Variants in RAD51AP2 observed in about 807,000 individuals in gnomAD.
The protein encoded by RAD51AP2 is RAD51-associated protein 2.
In RAD51AP2, 67 loss-of-function variants were observed where a neutral mutation model predicts 85.5. That is an observed-to-expected ratio of 0.78 (90% CI 0.64 to 0.96). RAD51AP2 has a LOEUF of 0.96. Among genes scored for constraint, RAD51AP2 ranks in the 40% least tolerant of loss-of-function variants. The pLI, the probability that RAD51AP2 is intolerant of heterozygous loss-of-function variation, is 0.00. For missense variants in RAD51AP2, 1,307 were observed against 1,332.4 expected, an observed-to-expected ratio of 0.98 and a Z score of 0.30; for synonymous variants, 474 against 446.5, an observed-to-expected ratio of 1.06 and a Z score of -0.78.
chr2:17,526,238 G>A, the RAD51AP2 span, among the ~76,000 whole-genome samples: 3 of 151,386 alleles, frequency 2.0e-5, no homozygotes, highest in South Asian at 2.1e-4. Flanking sequence ...AATCTCTGTC[G>A]GGTGCAAACA....
At position 17,516,606 on chromosome 2, in the gene RAD51AP2, C is replaced by G. The variant is rs777808289; in HGVS notation, c.1810G>C (p.Glu604Gln). ...LTRIENDFEL[E>Q]EECIFKCMLY... ...ATGCACTTGAAAATGCATTCCTCTT[C>G]TAATTCAAAATCATTTTCAATTCTT... Residue 604 changes from glutamate (E) to glutamine (Q), a missense_variant, in exon 1 of 3, where the codon GAA becomes CAA. By Grantham distance (29) the Glu-to-Gln change is conservative. Around this residue, in one of 3 missense-constraint regions of RAD51AP2, gnomAD observed 668 missense variants for 671.0 expected, o/e 1.00. Coordinates refer to ENST00000399080, the MANE Select transcript of RAD51AP2 (RefSeq NM_001099218.3). 7.6e-6 allele frequency: 12 copies of G among 1,576,926 alleles called. No homozygotes were observed. The Admixed American group carries it at 2.1e-4, about 28-fold the overall frequency.
upstream of RAD51AP2, among the ~76,000 whole-genome samples, chr2:17,521,132 G>T (rs988746826): frequency 1.3e-5 from 2 of 152,050 alleles, no homozygotes; most frequent in South Asian, 4.1e-4. Context: ...TTAATTAGAA[G>T]AAATGAAATG....
chr2:17,515,490 G>A lies in RAD51AP2; in HGVS notation c.2926C>T (p.Arg976Cys), dbSNP rs1319071395. 16 of 1,613,006 alleles carry A rather than the reference G, an allele frequency of 9.9e-6. No homozygotes were observed. Among genetic ancestry groups the A allele is most frequent in the Admixed American group, 1.7e-5 (1 of 59,926 alleles). Residue 976 changes from arginine (R) to cysteine (C), a missense_variant, in exon 1 of 3, where the codon CGT becomes TGT. By Grantham distance (180) the Arg-to-Cys change is radical (BLOSUM62 -3). This residue lies in a region of RAD51AP2 where 668 missense variants were observed against 671.0 expected (regional missense o/e 1.00). Transcript: ENST00000399080. Reference sequence around the variant, plus strand: ...TCCCTACTAATTTCATGAAACATACGAAGTTCTTCAAGTACTAAGTCAAAT... The same window carrying A: ...TCCCTACTAATTTCATGAAACATACAAAGTTCTTCAAGTACTAAGTCAAAT... ...RKFDLVLEEL[R>C]MFHEISRENE...
At chr2:17,528,883 T>G in the RAD51AP2 span, among the ~76,000 whole-genome samples, 4,299 of 152,224 alleles carry the variant, frequency 0.028, 60 homozygotes, top group Middle Eastern at 0.054. Context: ...AAACTTCATT[T>G]GTCAGTAGCA....
upstream of RAD51AP2, among the ~76,000 whole-genome samples, chr2:17,519,974 T>C (rs990827345): frequency 6.6e-6 from 1 of 152,212 alleles, no homozygotes; most frequent in African/African-American, 2.4e-5. Context: ...CTAGTCTAGA[T>C]TGATCTGTAA....
the RAD51AP2 span, among the ~76,000 whole-genome samples, chr2:17,527,720 G>C: frequency 6.6e-6 from 1 of 152,170 alleles, no homozygotes; most frequent in African/African-American, 2.4e-5. Context: ...GAGGGGAGTA[G>C]AGAGGTTGAA....
chr2:17,518,572 G>T (rs1188449215), upstream of RAD51AP2: 1 of 803,780 alleles, frequency 1.2e-6, no homozygotes, highest in Non-Finnish European at 1.8e-6. Context: ...CCCCTCCACA[G>T]CCCCAGCCTC....
At chr2:17,528,576 T>C in the RAD51AP2 span, among the ~76,000 whole-genome samples, 1 of 152,054 alleles carries the variant, frequency 6.6e-6, no homozygotes, top group Non-Finnish European at 1.5e-5. Context: ...GGCACGGTGG[T>C]TCACGCCTCT....
chr2:17,516,479 A>T lies in RAD51AP2; in HGVS notation c.1937T>A (p.Met646Lys). ...TCTAAATAACTTCCTTTTCTTTAAC[A>T]TAGGTTTCATATTATCTTCTAATAG... ...SRLLEDNMKPMLKKRKLFRTE... is the reference protein window; with the variant it reads ...SRLLEDNMKPKLKKRKLFRTE... Residue 646 changes from methionine to lysine, a missense_variant, in exon 1 of 3, where the codon ATG (methionine) becomes AAG (lysine). Transcript: ENST00000399080. The T allele has an allele frequency of 6.5e-7, 1 of 1,543,196 alleles. No individual in the cohort carries two copies. The highest frequency in any genetic ancestry group is 8.8e-7 in the Non-Finnish European group (1 of 1,135,140).
At position 17,515,480 on chromosome 2, in the gene RAD51AP2, T is replaced by C; in HGVS notation, c.2936A>G (p.His979Arg). ...DLVLEELRMF[H>R]EISRENELLS... ...AAGTTCATTTTCCCTACTAATTTCATGAAACATACGAAGTTCTTCAAGTAC... is the reference window on the plus strand; with the variant it reads ...AAGTTCATTTTCCCTACTAATTTCACGAAACATACGAAGTTCTTCAAGTAC... The change falls in exon 1 of 3, where the codon CAT (histidine) becomes CGT (arginine). Residue 979 changes from histidine (H) to arginine (R), a missense_variant. His to Arg is a conservative substitution (Grantham distance 29). Around this residue, in one of 3 missense-constraint regions of RAD51AP2, gnomAD observed 668 missense variants for 671.0 expected, o/e 1.00. Coordinates refer to ENST00000399080, the MANE Select transcript of RAD51AP2 (RefSeq NM_001099218.3). 6.2e-7 allele frequency: 1 copy of C among 1,613,568 alleles called. No homozygotes were observed. The highest frequency in any genetic ancestry group is 8.5e-7 in the Non-Finnish European group (1 of 1,179,802).
Position 17,517,698 on chromosome 2 carries a change from G to C in RAD51AP2, c.718C>G (p.Gln240Glu). 4 of 1,612,896 alleles carry C rather than the reference G, an allele frequency of 2.5e-6. No homozygotes were observed. In the South Asian group the frequency reaches 4.4e-5, roughly 18 times the overall value. ...SVLKISKSQN[Q>E]PSLEIAKPSY... The stretch of plus-strand genomic sequence containing the variant: ...GGTTTGGCAATTTCCAAGCTGGGCT[G>C]GTTTTGAGATTTTGATATTTTTAGT... The change falls in exon 1 of 3, where the codon CAG (glutamine) becomes GAG (glutamate). Residue 240 changes from glutamine to glutamate, a missense_variant. Physicochemically the swap from Gln to Glu is conservative, Grantham distance 29 (BLOSUM62 2). This residue lies in a region of RAD51AP2 where 635 missense variants were observed against 643.6 expected (regional missense o/e 0.99). Transcript: ENST00000399080.
the RAD51AP2 span, among the ~76,000 whole-genome samples, chr2:17,536,752 C>G: frequency 6.6e-6 from 1 of 152,162 alleles, no homozygotes; most frequent in Admixed American, 6.5e-5. Flanking sequence ...CATGATCAAT[C>G]AAGTTCATTA....
chr2:17,525,868 A>G, the RAD51AP2 span, among the ~76,000 whole-genome samples: 1 of 152,100 alleles, frequency 6.6e-6, no homozygotes, highest in South Asian at 2.1e-4. Context: ...GCCTTCTTCA[A>G]GAAACATTCA....
Position 17,517,206 on chromosome 2 carries a change from T to G in RAD51AP2, c.1210A>C (p.Arg404=), listed in dbSNP as rs574706342. The G allele has an allele frequency of 6.2e-7, 1 of 1,613,366 alleles. No individual in the cohort carries two copies. The highest frequency in any genetic ancestry group is 1.3e-5 in the African/African-American group (1 of 74,978). ...ATCCAACAATTTCCTCTATTTCTTCTCAAAATATGTCTAACGTTACAGTCC... is the reference window on the plus strand; with the variant it reads ...ATCCAACAATTTCCTCTATTTCTTCGCAAAATATGTCTAACGTTACAGTCC... ...NWDCNVRHIL[R]RNRGNCWIIN... is the part of the protein sequence containing the mutation. The change falls in exon 1 of 3, where the codon AGA becomes CGA. Residue 404 remains arginine, a synonymous_variant. Coordinates refer to ENST00000399080, the MANE Select transcript of RAD51AP2 (RefSeq NM_001099218.3).
the RAD51AP2 span, among the ~76,000 whole-genome samples, chr2:17,528,678 C>A: frequency 0.029 from 4,435 of 151,926 alleles, 63 homozygotes; most frequent in Middle Eastern, 0.054. Context: ...CCCATCTCTA[C>A]AAAAAATTTT....
chr2:17,517,911 C>A lies in RAD51AP2; in HGVS notation c.505G>T (p.Gly169Ter). 2 of 1,614,074 alleles carry A rather than the reference C, an allele frequency of 1.2e-6. No individual in the cohort carries two copies. Among genetic ancestry groups the A allele is most frequent in the East Asian group, 2.2e-5 (1 of 44,876 alleles). The change falls in exon 1 of 3, where the codon GGA becomes TGA. Residue 169 changes from glycine to a stop codon, truncating the protein, a stop_gained. Coordinates refer to ENST00000399080, the MANE Select transcript of RAD51AP2 (RefSeq NM_001099218.3). LOFTEE classifies it high-confidence loss of function. The part of the protein sequence containing the change: ...LPSTSIHDIH[G>*]IRNENRKQQF... ...TGTTTTCGATTCTCATTTCTAATTC[C>A]ATGTATATCGTGTATAGAGGTGCTG...
rs758029963 is a variant in RAD51AP2, at chr2:17,516,415, A to C, written c.2001T>G (p.Ile667Met). 1 of 1,602,194 alleles carries C rather than the reference A, an allele frequency of 6.2e-7. No homozygotes were observed. ...QVFEKSKKKL[I>M]NSFSMTTQNT... ...TTTGAGTTGTCATACTGAAGGAATTAATGAGTTTTTTCTTAGACTTTTCAA... is the reference window on the plus strand; with the variant it reads ...TTTGAGTTGTCATACTGAAGGAATTCATGAGTTTTTTCTTAGACTTTTCAA... The change falls in exon 1 of 3, where the codon ATT becomes ATG. Residue 667 changes from isoleucine (I) to methionine (M), a missense_variant. This residue lies in a region of RAD51AP2 where 668 missense variants were observed against 671.0 expected (regional missense o/e 1.00). Transcript: ENST00000399080.
the RAD51AP2 span, among the ~76,000 whole-genome samples, chr2:17,531,478 T>C: frequency 6.6e-6 from 1 of 152,200 alleles, no homozygotes; most frequent in African/African-American, 2.4e-5. Context: ...TCATATGTGC[T>C]GTGAACCTAA....
In RAD51AP2 at chr2:17,517,762, C is replaced by A. The variant is rs368669694; in HGVS notation, c.654G>T (p.Val218=). 54 of 1,613,696 alleles carry A rather than the reference C, an allele frequency of 3.3e-5. No homozygotes were observed. The highest frequency in any genetic ancestry group is 4.2e-5 in the Non-Finnish European group (49 of 1,179,810). Residue 218 remains valine, a synonymous_variant, in exon 1 of 3, where the codon GTG becomes GTT. Coordinates refer to ENST00000399080, the MANE Select transcript of RAD51AP2 (RefSeq NM_001099218.3). The part of the protein sequence containing the change: ...IKNRCKANSV[V]PSNKRENNIS... ...TGTTATTTTCTCTTTTATTTGATGG[C>A]ACAACACTGTTAGCTTTACATCTGT...
Sources: gnomAD v4.1 joint callset for allele counts (sites outside exome capture counted in the v4.1 genomes callset) on GRCh38, gnomAD v4.1.1 for gene constraint, gnomAD v4.1.1 regional missense constraint, MANE v1.5 for transcripts, NCBI Gene and HGNC (gene_info 2026-07-23, HGNC 2026-07-21) for gene names.